The following IL1RAPL1 variants were observed in gnomAD, a reference collection of about 807,000 sequenced individuals.
The protein encoded by IL1RAPL1 is interleukin-1 receptor accessory protein-like 1.
In IL1RAPL1, 3 loss-of-function variants were observed where a neutral mutation model predicts 48.4. That is an observed-to-expected ratio of 0.06 (90% CI 0.03 to 0.16). The LOEUF is 0.16. IL1RAPL1 is among the 10% of genes least tolerant of loss of function. The pLI, the probability that IL1RAPL1 is intolerant of heterozygous loss-of-function variation, is 1.00. For missense variants in IL1RAPL1, 349 were observed against 530.6 expected (o/e 0.66, Z 3.36); for synonymous variants, 185 against 187.7 (o/e 0.99, Z 0.12).
chrX:28,652,080 A>C (rs1438649268), intron 1 of IL1RAPL1, among the ~76,000 whole-genome samples: 3 of 111,650 alleles, frequency 2.7e-5, no homozygotes, highest in Admixed American at 9.6e-5. Flanking sequence ...AGGCTTTAAA[A>C]TGGTTTATTA....
chrX:29,838,976 G>A (rs1020435569), intron 6 of IL1RAPL1, among the ~76,000 whole-genome samples: 7 of 111,812 alleles, frequency 6.3e-5, no homozygotes, highest in Non-Finnish European at 1.3e-4. Flanking sequence ...CCATTTTCCA[G>A]CATTGCAGCC....
At chrX:29,883,765 G>A (rs1395040032) in intron 6 of IL1RAPL1, among the ~76,000 whole-genome samples, 5 of 112,146 alleles carry the variant, frequency 4.5e-5, no homozygotes, top group African/African-American at 1.6e-4. Context: ...GCAACACAGG[G>A]TATGACCTGC....
At chrX:28,692,724 A>G (rs1021201604) in intron 1 of IL1RAPL1, among the ~76,000 whole-genome samples, 4 of 112,246 alleles carry the variant, frequency 3.6e-5, no homozygotes, top group Non-Finnish European at 7.5e-5. Context: ...ATGGATAAGA[A>G]ATATAACGTA....
At chrX:29,930,189 C>T (rs1299503111) in intron 8 of IL1RAPL1, among the ~76,000 whole-genome samples, 2 of 112,036 alleles carry the variant, frequency 1.8e-5, no homozygotes, top group Non-Finnish European at 3.8e-5. Flanking sequence ...TAAACTGTTG[C>T]CAAAACTGAT....
rs7473136 is a variant in IL1RAPL1 at position 29,783,562 on chromosome X, A to C, written c.778+115058A>C. ...AGGTCGGTAGTCTGGGAAAAAGTGA[A>C]GAAATCATGCCAAAATCAAAATCAT... is the stretch of plus-strand genomic sequence containing the variant. On this transcript the variant is annotated intron_variant, in intron 6 of 10. Coordinates refer to ENST00000378993, the MANE Select transcript of IL1RAPL1 (RefSeq NM_014271.4). 9.9e-3 allele frequency among the ~76,000 whole-genome samples: 1,112 copies of C among 112,048 alleles called. 11 individuals carry two copies. Among genetic ancestry groups the C allele is most frequent in the African/African-American group, 0.034 (1,056 of 30,811 alleles).
intron 6 of IL1RAPL1, among the ~76,000 whole-genome samples, chrX:29,896,699 G>A (rs187165441): frequency 9.8e-5 from 11 of 112,019 alleles, no homozygotes; most frequent in Non-Finnish European, 2.1e-4. Flanking sequence ...TGTTGCCTCT[G>A]ACCACGGCAG....
intron 8 of IL1RAPL1, among the ~76,000 whole-genome samples, chrX:29,927,248 G>A (rs1366044623): frequency 8.9e-6 from 1 of 112,285 alleles, no homozygotes; most frequent in Admixed American, 9.4e-5. Flanking sequence ...CCCTTGCCTA[G>A]ACAATAGATC....
At chrX:28,641,076 T>A (rs1208338549) in intron 1 of IL1RAPL1, among the ~76,000 whole-genome samples, 2 of 109,703 alleles carry the variant, frequency 1.8e-5, no homozygotes, top group African/African-American at 3.3e-5. Flanking sequence ...TTTTTTTTTT[T>A]AATTATACTT....
chrX:29,719,224 G>A (rs1471250262), intron 6 of IL1RAPL1, among the ~76,000 whole-genome samples: 1 of 111,797 alleles, frequency 8.9e-6, no homozygotes, highest in Admixed American at 9.5e-5. Context: ...CCTGGAATGC[G>A]ACTACTGTCA....
chrX:28,683,007 C>A (rs1192379986), intron 1 of IL1RAPL1, among the ~76,000 whole-genome samples: 1 of 112,041 alleles, frequency 8.9e-6, no homozygotes, highest in African/African-American at 3.2e-5. Context: ...TTGGGGATGA[C>A]AAATCACATT....
chrX:28,692,466 T>A (rs1378420556), intron 1 of IL1RAPL1, among the ~76,000 whole-genome samples: 2 of 111,757 alleles, frequency 1.8e-5, no homozygotes, highest in Non-Finnish European at 3.8e-5. Context: ...TGAACTCAGT[T>A]TCCTTCTTGG....
At chrX:29,758,785 CAAAACAAAACAAA>C (rs958689364) in intron 6 of IL1RAPL1, among the ~76,000 whole-genome samples, 5 of 110,264 alleles carry the variant, frequency 4.5e-5, no homozygotes, top group African/African-American at 9.9e-5. Flanking sequence ...ATGTAAAAAA[CAAAACAAAACAAA>C]AAAACAAAAC....
At chrX:28,750,291 T>A (rs1161648202) in intron 1 of IL1RAPL1, among the ~76,000 whole-genome samples, 3 of 111,751 alleles carry the variant, frequency 2.7e-5, no homozygotes, top group Non-Finnish European at 5.6e-5. Context: ...TTTTTAGGCA[T>A]CTTATGTATT....
intron 6 of IL1RAPL1, among the ~76,000 whole-genome samples, chrX:29,799,452 G>A (rs1929825471): frequency 8.9e-6 from 1 of 111,985 alleles, no homozygotes; most frequent in African/African-American, 3.2e-5. Context: ...ATTACGATTA[G>A]CAAAACCAAT....
intron 3 of IL1RAPL1, among the ~76,000 whole-genome samples, chrX:29,386,264 G>A (rs1216556226): frequency 9.0e-6 from 1 of 110,764 alleles, no homozygotes; most frequent in Non-Finnish European, 1.9e-5. Context: ...TCCTGACCTC[G>A]TGATCCACCT....
At chrX:28,671,198 A>G (rs1934944271) in intron 1 of IL1RAPL1, among the ~76,000 whole-genome samples, 1 of 112,313 alleles carries the variant, frequency 8.9e-6, no homozygotes, top group Admixed American at 9.5e-5. Context: ...TAACTGCTAA[A>G]TGGAATATCC....
chrX:29,534,407 T>C (rs190676174), intron 5 of IL1RAPL1, among the ~76,000 whole-genome samples: 2 of 112,250 alleles, frequency 1.8e-5, no homozygotes, highest in Admixed American at 1.9e-4. Context: ...GTATATGTCA[T>C]AAGGAATAAA....
chrX:28,701,386 A>G (rs1935294846), intron 1 of IL1RAPL1, among the ~76,000 whole-genome samples: 1 of 111,786 alleles, frequency 8.9e-6, no homozygotes. Context: ...TAAGGAAGCT[A>G]TTGTTATTGC....
chrX:29,789,398 A>G (rs764477466), intron 6 of IL1RAPL1, among the ~76,000 whole-genome samples: 6 of 111,632 alleles, frequency 5.4e-5, no homozygotes, highest in African/African-American at 1.9e-4. Context: ...CAAAATTCCC[A>G]GTTTTGAACC....
Sources: gnomAD v4.1 joint callset for allele counts (sites outside exome capture counted in the v4.1 genomes callset) on GRCh38, gnomAD v4.1.1 for gene constraint, MANE v1.5 for transcripts, NCBI Gene and HGNC (gene_info 2026-07-23, HGNC 2026-07-21) for gene names.